NAV2: variants seen among roughly 807,000 people sequenced by gnomAD.
NAV2 encodes the protein helicase, APC down-regulated 1.
Under a neutral mutation model 223.2 loss-of-function variants are expected in NAV2, and 54 were observed. The ratio of observed to expected loss-of-function variants is 0.24; its 90% CI spans 0.19 to 0.30. The LOEUF (loss-of-function observed/expected upper bound fraction) is 0.30, where lower values mean the gene tolerates loss of function less well. Ranked by LOEUF, NAV2 falls within the 10% of genes least tolerant of loss-of-function variation. The pLI, the probability that NAV2 is intolerant of heterozygous loss-of-function variation, is 1.00. For synonymous variants in NAV2, 1,279 were observed against 1,239.3 expected, an observed-to-expected ratio of 1.03 and a Z score of -0.67; for missense variants, 2,806 against 3,147.5, an observed-to-expected ratio of 0.89 and a Z score of 2.60.
At chr11:19,958,106 C>T (rs1003613132) in intron 10 of NAV2, among the ~76,000 whole-genome samples, 5 of 152,134 alleles carry the variant, frequency 3.3e-5, no homozygotes, top group African/African-American at 1.2e-4. Flanking sequence ...TGTTGAGAGG[C>T]CTCCAAATGG....
intron 1 of NAV2, among the ~76,000 whole-genome samples, chr11:19,528,874 T>A (rs1590418211): frequency 6.9e-6 from 1 of 144,792 alleles, no homozygotes; most frequent in South Asian, 2.2e-4. Context: ...AGTTTGCAGT[T>A]AGCTGAGATC....
At chr11:19,817,462 A>C (rs2059146966) in intron 1 of NAV2, among the ~76,000 whole-genome samples, 1 of 152,100 alleles carries the variant, frequency 6.6e-6, no homozygotes, top group Admixed American at 6.5e-5. Context: ...TCAGGCAGAG[A>C]CAGTTAGGTC....
At chr11:19,447,793 T>C (rs973612242) in intron 1 of NAV2, among the ~76,000 whole-genome samples, 7 of 152,166 alleles carry the variant, frequency 4.6e-5, no homozygotes, top group Non-Finnish European at 1.0e-4. Context: ...TCTGGAGAAG[T>C]GCTGCTTCTG....
At chr11:19,626,372 G>A (rs778842630) in intron 1 of NAV2, among the ~76,000 whole-genome samples, 14 of 152,126 alleles carry the variant, frequency 9.2e-5, no homozygotes, top group East Asian at 5.8e-4. Context: ...TCTCTATTCC[G>A]TTCCACTGAC....
intron 17 of NAV2, 44 bp downstream of exon 17, chr11:20,051,377 T>G (rs952849921): frequency 1.9e-6 from 3 of 1,592,712 alleles, no homozygotes; most frequent in Non-Finnish European, 2.6e-6. Context: ...TGTTGTGGCT[T>G]TGGAGCTTGG....
intron 1 of NAV2, chr11:19,384,951 G>C (rs577345602): frequency 1.3e-5 from 2 of 152,178 alleles, no homozygotes; most frequent in South Asian, 2.1e-4. Context: ...CCTGACAAAG[G>C]TTTCACATCC....
chr11:19,724,123 C>T (rs150272198), intron 1 of NAV2, among the ~76,000 whole-genome samples: 1 of 152,182 alleles, frequency 6.6e-6, no homozygotes, highest in Non-Finnish European at 1.5e-5. Flanking sequence ...GTTCCCATAG[C>T]TCCATTGTAC....
chr11:19,891,769 G>A (rs947295967), intron 5 of NAV2, among the ~76,000 whole-genome samples: 4 of 152,106 alleles, frequency 2.6e-5, no homozygotes, highest in Non-Finnish European at 4.4e-5. Flanking sequence ...TCCTTTTCTT[G>A]ATACTTACAA....
At chr11:19,996,816 A>G (rs1393645641) in intron 11 of NAV2, among the ~76,000 whole-genome samples, 1 of 152,184 alleles carries the variant, frequency 6.6e-6, no homozygotes, top group Admixed American at 6.5e-5. Flanking sequence ...GTACTGTAAA[A>G]TTGCCTGAAA....
chr11:19,954,285 C>G (rs2153383645), intron 10 of NAV2, among the ~76,000 whole-genome samples: 1 of 152,274 alleles, frequency 6.6e-6, no homozygotes, highest in African/African-American at 2.4e-5. Context: ...TCCACAGTGG[C>G]TTTTTAGGGG....
rs116261570 is a variant in NAV2, at chr11:19,888,357, C to T, written c.771-4077C>T. On this transcript the variant is annotated intron_variant, in intron 5 of 37. Transcript: ENST00000349880. ...TGAGGCAGGCCCAGTAGGCAGCATC[C>T]GTTGTGATACCTGCAGCTGTTCCAC... Among the ~76,000 whole-genome samples, 314 of 152,202 alleles carry T rather than the reference C, an allele frequency of 2.1e-3. 1 individual carries two copies. Among genetic ancestry groups the T allele is most frequent in the African/African-American group, 7.0e-3 (292 of 41,534 alleles).
intron 1 of NAV2, among the ~76,000 whole-genome samples, chr11:19,796,790 A>G: frequency 6.6e-6 from 1 of 152,152 alleles, no homozygotes; most frequent in Admixed American, 6.5e-5. Flanking sequence ...AGATTAAGCC[A>G]ATTTTGTTCT....
rs568839077 is a variant in NAV2, at chr11:19,766,234, C to T, written c.267+52272C>T. Among the ~76,000 whole-genome samples, 7 of 152,170 alleles carry T rather than the reference C, an allele frequency of 4.6e-5. No individual in the cohort carries two copies. In the East Asian group the frequency reaches 5.8e-4, roughly 13 times the overall value. Reference sequence around the variant, plus strand: ...AGGCCCTCTTTTTAAATCCTCAGCCCGGTTGGCTCTGTGTAATGCAAAGAG... The same window carrying T: ...AGGCCCTCTTTTTAAATCCTCAGCCTGGTTGGCTCTGTGTAATGCAAAGAG... On this transcript the variant is annotated intron_variant, in intron 1 of 37. Transcript: ENST00000349880.
intron 1 of NAV2, among the ~76,000 whole-genome samples, chr11:19,559,393 C>A (rs972636555): frequency 1.3e-5 from 2 of 152,176 alleles, no homozygotes; most frequent in African/African-American, 4.8e-5. Flanking sequence ...CCTTGTTTTC[C>A]TTGTGTGATG....
intron 2 of NAV2, 50 bp from the exon 3 acceptor site, chr11:19,842,821 A>C (rs748247858): frequency 1.9e-6 from 3 of 1,588,410 alleles, no homozygotes; most frequent in Non-Finnish European, 2.6e-6. Context: ...ATCACTACTG[A>C]AAGTGTCTCT....
intron 3 of NAV2, among the ~76,000 whole-genome samples, chr11:19,846,703 C>T (rs145902536): frequency 7.5e-4 from 114 of 152,302 alleles, no homozygotes; most frequent in African/African-American, 2.4e-3. Flanking sequence ...GGGTGAGAAA[C>T]GGAGATGCTC....
At chr11:19,944,465 C>CT (rs2046669724) in intron 8 of NAV2, among the ~76,000 whole-genome samples, 2 of 150,980 alleles carry the variant, frequency 1.3e-5, no homozygotes, top group Non-Finnish European at 3.0e-5. Flanking sequence ...CTCTTTCTTT[C>CT]TTTTCTCTTC....
intron 5 of NAV2, among the ~76,000 whole-genome samples, chr11:19,883,027 A>C (rs1490494277): frequency 6.6e-6 from 1 of 152,200 alleles, no homozygotes; most frequent in East Asian, 1.9e-4. Context: ...TCGGTCTCCA[A>C]ATTCTATCTT....
Position 20,044,397 on chromosome 11 carries a change from T to C in NAV2, c.3199+125T>C, listed in dbSNP as rs1181797192. The C allele has an allele frequency of 4.7e-6, 4 of 844,980 alleles. No homozygotes were observed. The South Asian group carries it at 5.8e-5, about 12-fold the overall frequency. 52.3% of individuals were successfully genotyped at this position (844,980 alleles called of 1,614,324 possible). ...GATTTATACTCTGCTAACAACGAGC[T>C]TCCATAAACTTTCACATCCCTACCT... On this transcript the variant is annotated intron_variant, in intron 13 of 37. Coordinates refer to ENST00000349880, the MANE Select transcript of NAV2 (RefSeq NM_145117.5).
Sources: gnomAD v4.1 joint callset for allele counts (sites outside exome capture counted in the v4.1 genomes callset) on GRCh38, gnomAD v4.1.1 for gene constraint, MANE v1.5 for transcripts, NCBI Gene and HGNC (gene_info 2026-07-23, HGNC 2026-07-21) for gene names.